The following SLC35D4 variants were observed in gnomAD, a reference collection of about 807,000 sequenced individuals.
SLC35D4 encodes the protein UDP-N-acetylglucosamine transporter SLC35D4.
the SLC35D4 span, among the ~76,000 whole-genome samples, chr18:23,363,517 G>A: frequency 1.3e-5 from 2 of 151,470 alleles, no homozygotes; most frequent in Non-Finnish European, 2.9e-5. Context: ...TGGGACTACA[G>A]GCGCCCGCCA....
the SLC35D4 span, among the ~76,000 whole-genome samples, chr18:23,411,421 GAAGA>G: frequency 1.3e-5 from 2 of 148,382 alleles, no homozygotes; most frequent in Admixed American, 6.8e-5. Context: ...GAGAGAGAAA[GAAGA>G]AAGAAAGACA....
the SLC35D4 span, among the ~76,000 whole-genome samples, chr18:23,357,448 G>C: frequency 6.6e-6 from 1 of 152,178 alleles, no homozygotes; most frequent in Non-Finnish European, 1.5e-5. Flanking sequence ...AAAAATGTCC[G>C]GAGAAAAGGA....
the SLC35D4 span, among the ~76,000 whole-genome samples, chr18:23,242,337 G>A: frequency 6.6e-6 from 1 of 152,150 alleles, no homozygotes; most frequent in Admixed American, 6.5e-5. Context: ...CGGTGGTTTG[G>A]TCTTCAAGTT....
the SLC35D4 span, chr18:23,399,720 C>T: frequency 3.8e-5 from 54 of 1,413,798 alleles, no homozygotes; most frequent in African/African-American, 6.2e-4. Flanking sequence ...GAAAGGCTGA[C>T]CCTCCAGATG....
At chr18:23,374,813 T>G in the SLC35D4 span, among the ~76,000 whole-genome samples, 3 of 151,530 alleles carry the variant, frequency 2.0e-5, no homozygotes, top group Non-Finnish European at 4.4e-5. Flanking sequence ...GGGAAAAAAA[T>G]GTTATAAAAG....
chr18:23,381,237 T>C, the SLC35D4 span, among the ~76,000 whole-genome samples: 5 of 152,220 alleles, frequency 3.3e-5, no homozygotes, highest in Admixed American at 1.3e-4. Flanking sequence ...AACTGTTAAA[T>C]GGAAAAACAG....
At chr18:23,420,232 G>A in the SLC35D4 span, among the ~76,000 whole-genome samples, 1 of 152,204 alleles carries the variant, frequency 6.6e-6, no homozygotes, top group East Asian at 1.9e-4. Flanking sequence ...GAACCCAGGA[G>A]GCAGAAGTTG....
chr18:23,287,169 AAGCCTTACT>A, the SLC35D4 span, among the ~76,000 whole-genome samples: 79 of 152,280 alleles, frequency 5.2e-4, no homozygotes, highest in Middle Eastern at 3.4e-3. Flanking sequence ...AAAACCAGAC[AAGCCTTACT>A]AGTTCAGGAT....
At chr18:23,362,269 T>C in the SLC35D4 span, among the ~76,000 whole-genome samples, 7 of 152,220 alleles carry the variant, frequency 4.6e-5, no homozygotes, top group African/African-American at 1.7e-4. Flanking sequence ...AGGAACGTTG[T>C]ACAAAAGCAT....
chr18:23,366,804 T>C, the SLC35D4 span, among the ~76,000 whole-genome samples: 4 of 152,118 alleles, frequency 2.6e-5, no homozygotes, highest in Non-Finnish European at 5.9e-5. Context: ...GCAGCAGCAG[T>C]GTGGACAGAG....
chr18:23,377,202 A>C, the SLC35D4 span, among the ~76,000 whole-genome samples: 1 of 152,238 alleles, frequency 6.6e-6, no homozygotes, highest in African/African-American at 2.4e-5. Context: ...AAAGAGGACG[A>C]GGAAAGCTGC....
the SLC35D4 span, among the ~76,000 whole-genome samples, chr18:23,282,883 A>G: frequency 6.6e-6 from 1 of 152,096 alleles, no homozygotes; most frequent in Non-Finnish European, 1.5e-5. Flanking sequence ...ACATACAGAT[A>G]GGGGGCACCT....
At chr18:23,257,065 A>G in the SLC35D4 span, 1 of 730,244 alleles carries the variant, frequency 1.4e-6, no homozygotes, top group Non-Finnish European at 2.2e-6. Context: ...GACCGAAGGC[A>G]GGAAGCACAG....
the SLC35D4 span, chr18:23,310,183 C>A: frequency 1.0e-6 from 1 of 983,884 alleles, no homozygotes; most frequent in Non-Finnish European, 1.2e-6. Flanking sequence ...ATCTGTCACC[C>A]AGCCTTTGTC....
the SLC35D4 span, among the ~76,000 whole-genome samples, chr18:23,329,097 A>G: frequency 3.9e-5 from 6 of 152,378 alleles, no homozygotes; most frequent in Admixed American, 1.3e-4. Context: ...TAAAACCATA[A>G]AAACCCTAGA....
chr18:23,314,015 C>A, the SLC35D4 span, among the ~76,000 whole-genome samples: 4 of 152,234 alleles, frequency 2.6e-5, no homozygotes, highest in African/African-American at 9.6e-5. Flanking sequence ...GGACTCTCCA[C>A]TGAGTACTGA....
At chr18:23,334,712 A>G in the SLC35D4 span, among the ~76,000 whole-genome samples, 1 of 152,132 alleles carries the variant, frequency 6.6e-6, no homozygotes. Flanking sequence ...GAAGGGGAAA[A>G]GGGGCCGGCC....
chr18:23,338,784 G>A, the SLC35D4 span, among the ~76,000 whole-genome samples: 1 of 152,138 alleles, frequency 6.6e-6, no homozygotes. Context: ...ATGCGCTCCA[G>A]GTTCTAGGAC....
At chr18:23,362,189 C>T in the SLC35D4 span, among the ~76,000 whole-genome samples, 2 of 152,224 alleles carry the variant, frequency 1.3e-5, no homozygotes, top group Non-Finnish European at 2.9e-5. Context: ...CTATTACCAG[C>T]AGTCACCATG....
Sources: gnomAD v4.1 joint callset for allele counts (sites outside exome capture counted in the v4.1 genomes callset) on GRCh38, gnomAD v4.1.1 for gene constraint, MANE v1.5 for transcripts, NCBI Gene and HGNC (gene_info 2026-07-23, HGNC 2026-07-21) for gene names.